The following FCRLB variants were observed in gnomAD, a reference collection of about 807,000 sequenced individuals.
FCRLB encodes Fc receptor like B, also known as Fc receptor-like B.
FCRLB carries 34 observed loss-of-function variants against 33.6 expected under a neutral mutation model. The observed-to-expected ratio is 1.01, with a 90% CI of 0.77 to 1.35. FCRLB has a LOEUF of 1.35. FCRLB is among the 40% of genes most tolerant of loss of function. The pLI, the probability that FCRLB is intolerant of heterozygous loss-of-function variation, is 0.00. For missense variants in FCRLB, 560 were observed against 580.2 expected, an observed-to-expected ratio of 0.97 and a Z score of 0.36; for synonymous variants, 280 against 255.9, an observed-to-expected ratio of 1.09 and a Z score of -0.90.
chr1:161,725,441 G>A (rs1683507483), intron 5 of FCRLB, among the ~76,000 whole-genome samples: 1 of 152,144 alleles, frequency 6.6e-6, no homozygotes, highest in Non-Finnish European at 1.5e-5. Flanking sequence ...AGGAGTTCAA[G>A]ACCAGCCTGG....
chr1:161,727,589 G>T (rs753631635), exon 8 of FCRLB: 2 of 1,614,092 alleles, frequency 1.2e-6, no homozygotes, highest in Admixed American at 3.3e-5. Context: ...GAGCTCAGGG[G>T]AACGCCCGAG....
Position 161,727,254 on chromosome 1 carries a change from C to T in FCRLB, c.873C>T (p.Pro291=), listed in dbSNP as rs746933397. 2.5e-6 allele frequency: 4 copies of T among 1,605,432 alleles called. No individual in the cohort carries two copies. In the East Asian group the frequency reaches 6.7e-5, roughly 27 times the overall value. The change falls in exon 8 of 8, where the codon CCC becomes CCT. Residue 291 remains proline, a synonymous_variant. Coordinates refer to ENST00000367948, the Ensembl canonical transcript of FCRLB. ...GGCGTAATGCATTCACAGGTTCTCC[C>T]CTGGACCCGGCCTCCACCACCGCCC...
At chr1:161,724,456 G>A (rs1305730761) in intron 5 of FCRLB, among the ~76,000 whole-genome samples, 2 of 150,376 alleles carry the variant, frequency 1.3e-5, no homozygotes, top group Non-Finnish European at 3.0e-5. Context: ...AAATAGCTGG[G>A]CATGATAGCG....
At chr1:161,723,233 G>C in intron 4 of FCRLB, 134 bp from the exon 5 acceptor site, 1 of 1,156,674 alleles carries the variant, frequency 8.6e-7, no homozygotes, top group Non-Finnish European at 1.2e-6. Flanking sequence ...TCTCCTGCAG[G>C]GATGGGTTAG....
intron 7 of FCRLB, 126 bp from the exon 8 acceptor site, chr1:161,727,121 G>C: frequency 2.6e-6 from 3 of 1,167,908 alleles, no homozygotes; most frequent in Non-Finnish European, 3.3e-6. Context: ...TCTCCCCTTC[G>C]CCGCCCTCCT....
At chr1:161,724,094 T>G (rs1436835461) in intron 5 of FCRLB, among the ~76,000 whole-genome samples, 1 of 152,112 alleles carries the variant, frequency 6.6e-6, no homozygotes, top group Non-Finnish European at 1.5e-5. Flanking sequence ...ACAATAATAG[T>G]ATGTATCTCT....
intron 5 of FCRLB, among the ~76,000 whole-genome samples, chr1:161,724,209 T>A (rs1229388971): frequency 6.6e-6 from 1 of 152,192 alleles, no homozygotes; most frequent in African/African-American, 2.4e-5. Context: ...TGTATATGTG[T>A]ACACAGGAGT....
At chr1:161,725,534 C>T (rs1283248552) in intron 5 of FCRLB, among the ~76,000 whole-genome samples, 1 of 152,010 alleles carries the variant, frequency 6.6e-6, no homozygotes, top group Admixed American at 6.6e-5. Context: ...CCCAGCTACT[C>T]GGGAGGCTGA....
Position 161,726,346 on chromosome 1 carries a change from G to A in FCRLB, c.574+259G>A, listed in dbSNP as rs372640903. On this transcript the variant is annotated intron_variant, in intron 6 of 7. Coordinates refer to ENST00000367948, the Ensembl canonical transcript of FCRLB. The surrounding 1 kb of genome is among the most constrained non-coding windows in gnomAD (Gnocchi z 5.2). ...GGACTCCCACAGAGAGGGCAGCTCT[G>A]GCAGGGGCAGGGGCCACTGTGGGAC... 3 of 743,046 alleles carry A rather than the reference G, an allele frequency of 4.0e-6. No individual in the cohort carries two copies. Among genetic ancestry groups the A allele is most frequent in the East Asian group, 2.7e-5 (1 of 36,822 alleles). The allele number at this position is 743,046 out of a possible 1,614,324, so 46.0% of individuals were successfully genotyped here.
In FCRLB at chr1:161,726,319, G is replaced by A. The variant is rs1363010084; in HGVS notation, c.574+232G>A. The A allele has an allele frequency of 1.2e-6, 1 of 813,854 alleles. No homozygotes were observed. The highest frequency in any genetic ancestry group is 2.0e-6 in the Non-Finnish European group (1 of 488,556). 50.4% of individuals were successfully genotyped at this position (813,854 alleles called of 1,614,324 possible). A position where few individuals can be genotyped will look rare whatever the true frequency, so the allele number is the denominator to read the frequency against. Reference sequence around the variant, plus strand: ...CACATCCTGGCTTCTCACTCTGGCTGGGGACTCCCACAGAGAGGGCAGCTC... The same window carrying A: ...CACATCCTGGCTTCTCACTCTGGCTAGGGACTCCCACAGAGAGGGCAGCTC... On this transcript the variant is annotated intron_variant, in intron 6 of 7. Coordinates refer to ENST00000367948, the Ensembl canonical transcript of FCRLB. This position sits in a 1 kb window ranked among gnomAD's most constrained non-coding sequence, Gnocchi z 5.2.
rs1243732341 is a variant in FCRLB, at chr1:161,723,352, C to T, written c.53-15C>T. 3 of 1,612,370 alleles carry T rather than the reference C, an allele frequency of 1.9e-6. No individual in the cohort carries two copies. In the Admixed American group the frequency reaches 5.0e-5, roughly 27 times the overall value. Reference sequence around the variant, plus strand: ...CTTTGCATGCTGCCCCCTCTCACCCCACTCCCCACCCCAGCTACTCTGGAG... The same window carrying T: ...CTTTGCATGCTGCCCCCTCTCACCCTACTCCCCACCCCAGCTACTCTGGAG... On this transcript the variant is annotated splice_polypyrimidine_tract_variant and intron_variant, in intron 4 of 7. Coordinates refer to ENST00000367948, the Ensembl canonical transcript of FCRLB.
chr1:161,725,642 CA>C (rs1190672470), intron 5 of FCRLB, among the ~76,000 whole-genome samples, 178 bp from the exon 6 acceptor site: 1 of 149,416 alleles, frequency 6.7e-6, no homozygotes, highest in African/African-American at 2.5e-5. Context: ...GACCATGTCT[CA>C]AAAAAAGAAA....
In FCRLB at chr1:161,726,791, G is replaced by T; in HGVS notation, c.663G>T (p.Thr221=). The T allele has an allele frequency of 1.3e-6, 2 of 1,564,710 alleles. No homozygotes were observed. The highest frequency in any genetic ancestry group is 1.7e-6 in the Non-Finnish European group (2 of 1,157,726). The change falls in exon 7 of 8, where the codon ACG becomes ACT. Residue 221 remains threonine, a synonymous_variant. Coordinates refer to ENST00000367948, the Ensembl canonical transcript of FCRLB. This position sits in a 1 kb window ranked among gnomAD's most constrained non-coding sequence, Gnocchi z 5.2. ...GTGGGGTGGTGCTGCGCTGCGACAC[G>T]CGCCTGCACCCGCAGAAGCGCGACA...
In FCRLB at chr1:161,723,588, G is replaced by A. The variant is rs147870526; in HGVS notation, c.274G>A (p.Val92Ile). The A allele has an allele frequency of 1.5e-4, 247 of 1,614,116 alleles. No homozygotes were observed. The Middle Eastern group carries it at 1.8e-3, about 12-fold the overall frequency. ...TCGATGCCAGACACGGGGAGCACCC[G>A]TCAGTGACCCCATCCACCTCTCTGT... The change falls in exon 5 of 8, where the codon GTC (valine) becomes ATC (isoleucine). Residue 92 changes from valine (V) to isoleucine (I), a missense_variant. By Grantham distance (29) the Val-to-Ile change is conservative. Transcript: ENST00000367948.
Position 161,726,548 on chromosome 1 carries a change from C to A in FCRLB, c.575-155C>A. The A allele has an allele frequency of 9.0e-7, 1 of 1,106,488 alleles. No individual in the cohort carries two copies. The highest frequency in any genetic ancestry group is 1.3e-6 in the Non-Finnish European group (1 of 755,336). 68.5% of individuals were successfully genotyped at this position (1,106,488 alleles called of 1,614,324 possible). On this transcript the variant is annotated intron_variant, in intron 6 of 7. Transcript: ENST00000367948. This position sits in a 1 kb window ranked among gnomAD's most constrained non-coding sequence, Gnocchi z 5.2. ...GACTCGGTCCCCCTGCCCCACATTTCAGAAGGCTCCCCTTCCCCCTCCACG... is the reference window on the plus strand; with the variant it reads ...GACTCGGTCCCCCTGCCCCACATTTAAGAAGGCTCCCCTTCCCCCTCCACG...
At position 161,726,770 on chromosome 1, in the gene FCRLB, G is replaced by A; in HGVS notation, c.642G>A (p.Gly214=). ...AGGCCCGCGGCGCGGCGCTGGGTGG[G>A]GTGGTGCTGCGCTGCGACACGCGCC... Residue 214 remains glycine (G), a synonymous_variant, in exon 7 of 8, where the codon GGG becomes GGA. Coordinates refer to ENST00000367948, the Ensembl canonical transcript of FCRLB. The surrounding 1 kb of genome is among the most constrained non-coding windows in gnomAD (Gnocchi z 5.2). The A allele has an allele frequency of 1.3e-6, 2 of 1,581,726 alleles. No homozygotes were observed. The highest frequency in any genetic ancestry group is 1.7e-6 in the Non-Finnish European group (2 of 1,167,226).
rs757204786 is a variant in FCRLB at position 161,726,261 on chromosome 1, C to G, written c.574+174C>G. 7.0e-6 allele frequency: 8 copies of G among 1,147,172 alleles called. No individual in the cohort carries two copies. The South Asian group carries it at 9.2e-5, about 13-fold the overall frequency. 71.1% of individuals were successfully genotyped at this position (1,147,172 alleles called of 1,614,324 possible). A position where few individuals can be genotyped will look rare whatever the true frequency, so the allele number is the denominator to read the frequency against. On this transcript the variant is annotated intron_variant, in intron 6 of 7. Transcript: ENST00000367948. The surrounding 1 kb of genome is among the most constrained non-coding windows in gnomAD (Gnocchi z 5.2). ...TGCCGTGAAGCAGCGCTTGATCCGC[C>G]GCCTGCTTGGAGGCTGGTCCCTTTC...
At chr1:161,727,182 T>TC in intron 7 of FCRLB, 65 bp from the exon 8 acceptor site, 1 of 782,238 alleles carries the variant, frequency 1.3e-6, no homozygotes, top group Non-Finnish European at 1.7e-6. Context: ...CCTACGCCCC[T>TC]CCCCCAGCCC....
exon 8 of FCRLB, chr1:161,727,716 C>T: frequency 1.3e-6 from 2 of 1,503,062 alleles, no homozygotes; most frequent in Non-Finnish European, 1.8e-6. Flanking sequence ...CTCCTGCTTC[C>T]CCTCACGCGA....
Sources: gnomAD v4.1 joint callset for allele counts (sites outside exome capture counted in the v4.1 genomes callset) on GRCh38, gnomAD v4.1.1 for gene constraint, Gnocchi (gnomAD v3.1) non-coding constraint, MANE v1.5 for transcripts, NCBI Gene and HGNC (gene_info 2026-07-23, HGNC 2026-07-21) for gene names.